Variants in ZGRF1 observed in about 807,000 individuals in gnomAD.
The protein encoded by ZGRF1 is zinc finger GRF-type containing 1.
A neutral mutation model predicts 203.5 loss-of-function variants in ZGRF1; 196 were observed. That is an observed-to-expected ratio of 0.96 (90% CI 0.86 to 1.08). ZGRF1 has a LOEUF of 1.08. Among genes scored for constraint, ZGRF1 ranks in the 50% least tolerant of loss-of-function variants. ZGRF1 has a pLI of 0.00. For missense variants in ZGRF1, 2,326 were observed against 2,416.3 expected (o/e 0.96, Z 0.78); for synonymous variants, 809 against 841.3 (o/e 0.96, Z 0.66).
rs750355105 is a variant in ZGRF1 at position 112,619,699 on chromosome 4, A to G, written c.352-9T>C. On this transcript the variant is annotated splice_polypyrimidine_tract_variant and intron_variant, in intron 5 of 27. Coordinates refer to ENST00000505019, the MANE Select transcript of ZGRF1 (RefSeq NM_018392.5). ...CGTGGTCCTTGAAAACCCTGAAAAT[A>G]TTAAAATAACTGTTAGGTGTACCAT... The G allele has an allele frequency of 1.1e-5, 17 of 1,576,386 alleles. No individual in the cohort carries two copies. The South Asian group carries it at 1.9e-4, about 18-fold the overall frequency.
At chr4:112,583,789 A>G (rs1268203451) in intron 15 of ZGRF1, among the ~76,000 whole-genome samples, 189 bp downstream of exon 15, 1 of 152,062 alleles carries the variant, frequency 6.6e-6, no homozygotes, top group Admixed American at 6.6e-5. Flanking sequence ...TGGGCAACAG[A>G]GCAAGAGCTT....
intron 10 of ZGRF1, among the ~76,000 whole-genome samples, chr4:112,591,166 A>G (rs1748109112): frequency 6.6e-6 from 1 of 152,188 alleles, no homozygotes; most frequent in Admixed American, 6.5e-5. Flanking sequence ...CTATATGCCA[A>G]CACTATATAT....
chr4:112,582,271 AT>A (rs1419444140), intron 15 of ZGRF1, among the ~76,000 whole-genome samples: 2 of 148,296 alleles, frequency 1.3e-5, no homozygotes, highest in Non-Finnish European at 3.0e-5. Flanking sequence ...GTTAACTATA[AT>A]TTCCCTACTG....
intron 11 of ZGRF1, 110 bp downstream of exon 11, chr4:112,589,614 G>T: frequency 1.0e-6 from 1 of 961,526 alleles, no homozygotes. Context: ...GGCTTCAAGG[G>T]ATATGACACT....
intron 5 of ZGRF1, 108 bp from the exon 6 acceptor site, chr4:112,619,798 G>A: frequency 9.8e-7 from 1 of 1,023,712 alleles, no homozygotes. Flanking sequence ...TTTGCCTAAG[G>A]TAAAGTAATA....
At chr4:112,560,327 G>C (rs559689222) in intron 19 of ZGRF1, among the ~76,000 whole-genome samples, 1 of 152,156 alleles carries the variant, frequency 6.6e-6, no homozygotes, top group Non-Finnish European at 1.5e-5. Context: ...CTCTTTTAGA[G>C]GCAAGATCAA....
chr4:112,586,624 A>C (rs1747239218), intron 12 of ZGRF1, 41 bp from the exon 13 acceptor site: 1 of 1,469,900 alleles, frequency 6.8e-7, no homozygotes, highest in Non-Finnish European at 9.2e-7. Flanking sequence ...AACTCCAGAA[A>C]AATACTGTTT....
rs1204339534 is a variant in ZGRF1 at position 112,617,493 on chromosome 4, G to A, written c.2549C>T (p.Thr850Ile). ...CTGTTGAGTTCCTTGCTGAAAGACA[G>A]TATTTTTCTTTTTCAATATTTCCAA... ...DSLEILKKKN[T>I]VFQQGTQQTY... The change falls in exon 6 of 28, where the codon ACT (threonine) becomes ATT (isoleucine). Residue 850 changes from threonine (T) to isoleucine (I), a missense_variant. Thr to Ile is a moderately conservative substitution (Grantham distance 89). Coordinates refer to ENST00000505019, the MANE Select transcript of ZGRF1 (RefSeq NM_018392.5). 1.3e-6 allele frequency: 2 copies of A among 1,597,752 alleles called. No individual in the cohort carries two copies.
At chr4:112,540,396 AT>A (rs1737334259) in intron 26 of ZGRF1, among the ~76,000 whole-genome samples, 1 of 126,184 alleles carries the variant, frequency 7.9e-6, no homozygotes, top group Non-Finnish European at 1.8e-5. Flanking sequence ...AATGAAACAG[AT>A]AAAAAATACT....
At chr4:112,602,416 C>T (rs1424412035) in intron 10 of ZGRF1, among the ~76,000 whole-genome samples, 3 of 152,218 alleles carry the variant, frequency 2.0e-5, no homozygotes, top group Non-Finnish European at 4.4e-5. Flanking sequence ...GTGATGGGCA[C>T]TCTCATACAC....
chr4:112,612,773 C>T (rs1435512559), intron 6 of ZGRF1, among the ~76,000 whole-genome samples, 185 bp from the exon 7 acceptor site: 1 of 152,092 alleles, frequency 6.6e-6, no homozygotes, highest in South Asian at 2.1e-4. Flanking sequence ...TAGATTAAAA[C>T]ATTTTTATGA....
At chr4:112,622,883 T>A (rs547919732) in intron 4 of ZGRF1, among the ~76,000 whole-genome samples, 3 of 152,172 alleles carry the variant, frequency 2.0e-5, no homozygotes. Flanking sequence ...GGTAAACCCG[T>A]GTCATGGCGG....
chr4:112,624,502 T>C (rs1365140456), intron 3 of ZGRF1, among the ~76,000 whole-genome samples: 1 of 151,566 alleles, frequency 6.6e-6, no homozygotes, highest in African/African-American at 2.4e-5. Flanking sequence ...TGAAACACAT[T>C]AAAGGGGACA....
intron 16 of ZGRF1, among the ~76,000 whole-genome samples, chr4:112,576,713 A>T (rs558793232): frequency 6.8e-4 from 103 of 152,302 alleles, no homozygotes; most frequent in Non-Finnish European, 1.2e-3. Context: ...TGAAGCAAGA[A>T]GAGAAGTTTA....
At chr4:112,622,381 A>G (rs1329641589) in intron 4 of ZGRF1, among the ~76,000 whole-genome samples, 1 of 151,898 alleles carries the variant, frequency 6.6e-6, no homozygotes, top group East Asian at 1.9e-4. Flanking sequence ...TTAGCTGGGC[A>G]TGGTGGCGCA....
At chr4:112,602,425 A>G (rs1750127623) in intron 10 of ZGRF1, among the ~76,000 whole-genome samples, 1 of 152,138 alleles carries the variant, frequency 6.6e-6, no homozygotes. Flanking sequence ...ACTCTCATAC[A>G]CTCCTAATGG....
At position 112,549,310 on chromosome 4, in the gene ZGRF1, T is replaced by C. The variant is rs537326100; in HGVS notation, c.5347-930A>G. ...GTAAACAATAGGGAAATCTATGAAT[T>C]TTCTAATTAGATGTAGTCACTGACC... On this transcript the variant is annotated intron_variant, in intron 22 of 27. Transcript: ENST00000505019. Among the ~76,000 whole-genome samples, 3 of 152,290 alleles carry C rather than the reference T, an allele frequency of 2.0e-5. No homozygotes were observed. In the South Asian group the frequency reaches 6.2e-4, roughly 32 times the overall value.
At chr4:112,548,686 A>C (rs1437678596) in intron 22 of ZGRF1, among the ~76,000 whole-genome samples, 1 of 151,250 alleles carries the variant, frequency 6.6e-6, no homozygotes, top group Non-Finnish European at 1.5e-5. Flanking sequence ...GATGACGCAC[A>C]TATTTTATCT....
intron 16 of ZGRF1, among the ~76,000 whole-genome samples, chr4:112,566,978 T>C (rs2029211): frequency 0.61 from 92,882 of 151,698 alleles, 29,125 homozygotes; most frequent in East Asian, 0.95. Flanking sequence ...GCAATGCAAG[T>C]TCTGTGCCAT....
Sources: allele counts gnomAD v4.1 joint callset (sites outside exome capture counted in the v4.1 genomes callset), GRCh38; gene constraint gnomAD v4.1.1; transcripts MANE v1.5; gene names NCBI Gene and HGNC (gene_info 2026-07-23, HGNC 2026-07-21).